Variants in TSPAN5 observed in about 807,000 individuals in gnomAD.
TSPAN5 encodes tetraspanin-5.
TSPAN5 carries 10 observed loss-of-function variants against 37.1 expected under a neutral mutation model. That is an observed-to-expected ratio of 0.27 (90% CI 0.17 to 0.46). The LOEUF is 0.46. TSPAN5 is among the 20% of genes least tolerant of loss of function. The probability of loss-of-function intolerance (pLI) is 1.00; values close to 1 mark genes in which losing one functional copy is unlikely to be tolerated. For synonymous variants in TSPAN5, 110 were observed against 118.9 expected (o/e 0.93, Z 0.48); for missense variants, 195 against 326.6 (o/e 0.60, Z 3.11).
intron 1 of TSPAN5, among the ~76,000 whole-genome samples, chr4:98,610,454 C>T (rs1756155650): frequency 6.6e-6 from 1 of 152,204 alleles, no homozygotes; most frequent in Non-Finnish European, 1.5e-5. Flanking sequence ...TCTTTAACAA[C>T]TTAATGACAG....
intron 1 of TSPAN5, among the ~76,000 whole-genome samples, chr4:98,512,805 G>C (rs529509854): frequency 6.6e-6 from 1 of 152,226 alleles, no homozygotes; most frequent in African/African-American, 2.4e-5. Flanking sequence ...TTTTGTACTA[G>C]ACACTACTTT....
At chr4:98,536,664 G>A (rs1008024882) in intron 1 of TSPAN5, among the ~76,000 whole-genome samples, 4 of 152,216 alleles carry the variant, frequency 2.6e-5, no homozygotes, top group African/African-American at 9.6e-5. Flanking sequence ...TCCCTGACTG[G>A]GGCTGCTACC....
intron 1 of TSPAN5, among the ~76,000 whole-genome samples, chr4:98,634,626 A>G (rs1315383104): frequency 6.6e-6 from 1 of 152,234 alleles, no homozygotes; most frequent in Non-Finnish European, 1.5e-5. Flanking sequence ...TAAATTTTTT[A>G]TAATATATAC....
intron 1 of TSPAN5, among the ~76,000 whole-genome samples, chr4:98,548,412 A>G (rs775300885): frequency 1.3e-5 from 2 of 152,220 alleles, no homozygotes; most frequent in Non-Finnish European, 2.9e-5. Flanking sequence ...GTCCCTCATC[A>G]TAACAAAATT....
chr4:98,518,981 T>G (rs903046096), intron 1 of TSPAN5, among the ~76,000 whole-genome samples: 1 of 152,214 alleles, frequency 6.6e-6, no homozygotes, highest in African/African-American at 2.4e-5. Flanking sequence ...GTTATCAGAT[T>G]TGCATTTCAG....
chr4:98,561,754 C>T (rs149207249), intron 1 of TSPAN5, among the ~76,000 whole-genome samples: 9 of 152,302 alleles, frequency 5.9e-5, no homozygotes, highest in East Asian at 1.9e-4. Context: ...ATCTGTTATG[C>T]GCTGAGCACT....
chr4:98,590,802 C>T (rs1755611896), intron 1 of TSPAN5, among the ~76,000 whole-genome samples: 1 of 152,062 alleles, frequency 6.6e-6, no homozygotes, highest in Admixed American at 6.6e-5. Flanking sequence ...GTCAACTGAA[C>T]TCCAAGACTA....
chr4:98,588,393 A>C (rs77445258), intron 1 of TSPAN5, among the ~76,000 whole-genome samples: 2 of 143,422 alleles, frequency 1.4e-5, no homozygotes, highest in Non-Finnish European at 3.0e-5. Flanking sequence ...ACTTCGGTTC[A>C]AAAAAAAAAA....
At position 98,472,552 on chromosome 4, in the gene TSPAN5, G is replaced by A. The variant is rs201278827; in HGVS notation, c.777C>T (p.Ser259=). ...FGICLAQNLV[S]DIEAVRASW ...AGCTCGCCCTGACAGCTTCGATATCGCTAACCAAATTCTGGGCCAGGCATA... is the reference window on the plus strand; with the variant it reads ...AGCTCGCCCTGACAGCTTCGATATCACTAACCAAATTCTGGGCCAGGCATA... Residue 259 remains serine (S), a synonymous_variant, in exon 8 of 8, where the codon AGC becomes AGT. Coordinates refer to ENST00000305798, the MANE Select transcript of TSPAN5 (RefSeq NM_005723.4). The A allele has an allele frequency of 6.4e-5, 103 of 1,613,872 alleles. No homozygotes were observed. The highest frequency in any genetic ancestry group is 1.8e-4 in the Admixed American group (11 of 60,006).
At chr4:98,524,840 T>C (rs1481133431) in intron 1 of TSPAN5, among the ~76,000 whole-genome samples, 1 of 152,210 alleles carries the variant, frequency 6.6e-6, no homozygotes, top group Non-Finnish European at 1.5e-5. Context: ...CAGTAACTTT[T>C]CCCAGACTTT....
At chr4:98,515,583 A>G (rs1753710597) in intron 1 of TSPAN5, among the ~76,000 whole-genome samples, 1 of 151,854 alleles carries the variant, frequency 6.6e-6, no homozygotes, top group Non-Finnish European at 1.5e-5. Flanking sequence ...CTTATTTGAC[A>G]TTTACACACA....
chr4:98,501,280 TC>T (rs1560514409), intron 2 of TSPAN5, among the ~76,000 whole-genome samples: 1 of 152,350 alleles, frequency 6.6e-6, no homozygotes, highest in East Asian at 1.9e-4. Context: ...TCTGTAAGAA[TC>T]GCTAATATAG....
At chr4:98,577,920 A>G (rs1755281668) in intron 1 of TSPAN5, among the ~76,000 whole-genome samples, 1 of 152,234 alleles carries the variant, frequency 6.6e-6, no homozygotes. Context: ...AATAAGTATT[A>G]GCTACTTTTT....
chr4:98,494,879 T>C lies in TSPAN5; in HGVS notation c.133-7995A>G, dbSNP rs1013351533. Among the ~76,000 whole-genome samples the C allele has an allele frequency of 4.0e-5, 6 of 151,788 alleles. No individual in the cohort carries two copies. In the East Asian group the frequency reaches 5.8e-4, roughly 15 times the overall value. ...TAATAAGATCTTCTTTTGGGGGGAA[T>C]TGGAAATAATCTAAGACATGGAGAG... On this transcript the variant is annotated intron_variant, in intron 2 of 7. Transcript: ENST00000305798.
intron 1 of TSPAN5, among the ~76,000 whole-genome samples, chr4:98,582,646 A>G (rs377619942): frequency 6.6e-6 from 1 of 152,180 alleles, no homozygotes; most frequent in East Asian, 1.9e-4. Context: ...CAATTGTTTG[A>G]GGAGTTCAAG....
chr4:98,547,095 C>T (rs1754487618), intron 1 of TSPAN5, among the ~76,000 whole-genome samples: 1 of 152,102 alleles, frequency 6.6e-6, no homozygotes, highest in Non-Finnish European at 1.5e-5. Flanking sequence ...CTTGCCTGGG[C>T]TAAAAGAAAC....
In TSPAN5 at chr4:98,658,338, C is replaced by A; in HGVS notation, c.-112G>T. ...GGAGCTCAGGGACACCGCACGGGGC[C>A]GCGGCGCTGGCGGCCTGGGCTCAGC... is the stretch of plus-strand genomic sequence containing the variant. On this transcript the variant is annotated 5_prime_UTR_variant, in exon 1 of 8. Coordinates refer to ENST00000305798, the MANE Select transcript of TSPAN5 (RefSeq NM_005723.4). 1.1e-6 allele frequency: 1 copy of A among 883,528 alleles called. No individual in the cohort carries two copies. 54.7% of individuals were successfully genotyped at this position (883,528 alleles called of 1,614,324 possible).
chr4:98,533,946 A>AAAAAAAAAAAAAAAAAAAC (rs1754168166), intron 1 of TSPAN5, among the ~76,000 whole-genome samples: 1 of 140,256 alleles, frequency 7.1e-6, no homozygotes. Flanking sequence ...TCTTAAAAAA[A>AAAAAAAAAAAAAAAAAAAC]AAAAAAAAAA....
chr4:98,512,458 G>A (rs1753630041), intron 1 of TSPAN5, among the ~76,000 whole-genome samples: 1 of 152,176 alleles, frequency 6.6e-6, no homozygotes, highest in Non-Finnish European at 1.5e-5. Flanking sequence ...TCCCACCTAG[G>A]AATGAGAACA....
Sources: allele counts gnomAD v4.1 joint callset (sites outside exome capture counted in the v4.1 genomes callset), GRCh38; gene constraint gnomAD v4.1.1; transcripts MANE v1.5; gene names NCBI Gene and HGNC (gene_info 2026-07-23, HGNC 2026-07-21).